HUNK: variants seen among roughly 807,000 people sequenced by gnomAD.
HUNK encodes hormonally up-regulated Neu-associated kinase.
In HUNK, 21 loss-of-function variants were observed where a neutral mutation model predicts 61.0. That is an observed-to-expected ratio of 0.34 (90% CI 0.24 to 0.50). HUNK has a LOEUF of 0.50. Among genes scored for constraint, HUNK ranks in the 20% least tolerant of loss-of-function variants. The pLI, the probability that HUNK is intolerant of heterozygous loss-of-function variation, is 0.98. For synonymous variants in HUNK, 371 were observed against 386.1 expected (o/e 0.96, Z 0.46); for missense variants, 772 against 945.7 (o/e 0.82, Z 2.41).
chr21:31,985,450 G>A (rs1026203809), intron 8 of HUNK, among the ~76,000 whole-genome samples: 1 of 152,196 alleles, frequency 6.6e-6, no homozygotes, highest in Non-Finnish European at 1.5e-5. Flanking sequence ...TGATGACAGG[G>A]AGTGCCCAGC....
intron 7 of HUNK, among the ~76,000 whole-genome samples, chr21:31,980,497 C>T (rs1268987358): frequency 6.6e-6 from 1 of 151,966 alleles, no homozygotes; most frequent in Non-Finnish European, 1.5e-5. Context: ...CTGCCTCAGC[C>T]TCCTGAGTAG....
chr21:31,966,252 A>G (rs1386765504), intron 5 of HUNK, among the ~76,000 whole-genome samples: 2 of 152,136 alleles, frequency 1.3e-5, no homozygotes, highest in South Asian at 2.1e-4. Flanking sequence ...GCTCCTTTTT[A>G]TGACTGAGTA....
At chr21:31,982,300 T>C (rs1420953754) in intron 7 of HUNK, among the ~76,000 whole-genome samples, 1 of 152,220 alleles carries the variant, frequency 6.6e-6, no homozygotes, top group East Asian at 1.9e-4. Flanking sequence ...TGAGAATCCA[T>C]ACTCTAGGCG....
At chr21:31,932,792 A>G (rs2052706861) in intron 2 of HUNK, among the ~76,000 whole-genome samples, 1 of 151,112 alleles carries the variant, frequency 6.6e-6, no homozygotes, top group African/African-American at 2.4e-5. Context: ...CTCCTGCTTC[A>G]CCGTGGCTTC....
intron 2 of HUNK, among the ~76,000 whole-genome samples, chr21:31,925,020 C>A (rs943534274): frequency 6.6e-6 from 1 of 152,156 alleles, no homozygotes; most frequent in Non-Finnish European, 1.5e-5. Flanking sequence ...CCTCAGCCAC[C>A]CAAGTAGCTG....
At chr21:31,880,316 T>C (rs2052297154) in intron 1 of HUNK, among the ~76,000 whole-genome samples, 1 of 152,232 alleles carries the variant, frequency 6.6e-6, no homozygotes, top group Non-Finnish European at 1.5e-5. Context: ...AGGATGGTTC[T>C]AACAAATTAC....
intron 1 of HUNK, among the ~76,000 whole-genome samples, chr21:31,919,928 A>G (rs1025657798): frequency 6.6e-6 from 1 of 152,204 alleles, no homozygotes; most frequent in African/African-American, 2.4e-5. Flanking sequence ...CAGGGAAGCT[A>G]TTTGTTCCTT....
intron 1 of HUNK, among the ~76,000 whole-genome samples, chr21:31,901,870 C>G (rs989719237): frequency 6.6e-6 from 1 of 152,126 alleles, no homozygotes; most frequent in Non-Finnish European, 1.5e-5. Context: ...AAATAACCCA[C>G]TGGGTTATTT....
intron 1 of HUNK, among the ~76,000 whole-genome samples, chr21:31,904,806 G>T (rs1038938013): frequency 6.6e-6 from 1 of 152,148 alleles, no homozygotes; most frequent in Non-Finnish European, 1.5e-5. Flanking sequence ...TAAACAGATA[G>T]TTGAGCGGGA....
chr21:31,966,193 G>T (rs191357877), intron 5 of HUNK, among the ~76,000 whole-genome samples: 13 of 152,272 alleles, frequency 8.5e-5, no homozygotes, highest in African/African-American at 3.1e-4. Flanking sequence ...ACTTCACTTA[G>T]AATAATGGTC....
At chr21:31,947,583 T>G (rs1224991810) in intron 4 of HUNK, among the ~76,000 whole-genome samples, 1 of 152,184 alleles carries the variant, frequency 6.6e-6, no homozygotes, top group Non-Finnish European at 1.5e-5. Flanking sequence ...AGGGAGGGAA[T>G]TGGTTGGTCT....
At chr21:31,908,791 G>C (rs1164931788) in intron 1 of HUNK, among the ~76,000 whole-genome samples, 2 of 152,162 alleles carry the variant, frequency 1.3e-5, no homozygotes, top group African/African-American at 4.8e-5. Flanking sequence ...TTAAAGATGG[G>C]GCAGAGTTGG....
At chr21:31,956,538 G>A (rs545479420) in intron 4 of HUNK, among the ~76,000 whole-genome samples, 54 of 152,244 alleles carry the variant, frequency 3.5e-4, no homozygotes, top group African/African-American at 1.1e-3. Context: ...CGCATAGTAC[G>A]TTCTCAAATA....
chr21:31,968,184 G>A (rs1258942093), intron 5 of HUNK, 66 bp from the exon 6 acceptor site: 2 of 1,599,290 alleles, frequency 1.3e-6, no homozygotes, highest in African/African-American at 2.7e-5. Flanking sequence ...CCCTGTGATG[G>A]TGGCTTTCAC....
At chr21:31,979,480 T>C (rs1326341980) in intron 7 of HUNK, among the ~76,000 whole-genome samples, 1 of 150,380 alleles carries the variant, frequency 6.6e-6, no homozygotes, top group Non-Finnish European at 1.5e-5. Context: ...CACTTTTTAA[T>C]TGGGTTGTTT....
intron 7 of HUNK, among the ~76,000 whole-genome samples, chr21:31,975,114 C>T (rs532323508): frequency 6.6e-6 from 1 of 152,096 alleles, no homozygotes; most frequent in South Asian, 2.1e-4. Flanking sequence ...TGTCTCTGAA[C>T]TATGGTATTA....
chr21:31,950,118 A>C (rs2052839320), intron 4 of HUNK, among the ~76,000 whole-genome samples: 1 of 152,226 alleles, frequency 6.6e-6, no homozygotes, highest in African/African-American at 2.4e-5. Context: ...GGTGGGGTTT[A>C]CATGCTAGTG....
chr21:31,934,549 G>T (rs1227149764), intron 2 of HUNK, among the ~76,000 whole-genome samples: 1 of 151,954 alleles, frequency 6.6e-6, no homozygotes, highest in African/African-American at 2.4e-5. Context: ...ACCTGTGCAG[G>T]TTTGTTACAT....
intron 5 of HUNK, among the ~76,000 whole-genome samples, chr21:31,961,527 A>G (rs190610030): frequency 2.0e-5 from 3 of 152,338 alleles, no homozygotes; most frequent in Admixed American, 1.3e-4. Context: ...CAATATGTGC[A>G]TGATCTCTGC....
Sources: allele counts gnomAD v4.1 joint callset (sites outside exome capture counted in the v4.1 genomes callset), GRCh38; gene constraint gnomAD v4.1.1; transcripts MANE v1.5; gene names NCBI Gene and HGNC (gene_info 2026-07-23, HGNC 2026-07-21).